FOCAD: variants seen among roughly 807,000 people sequenced by gnomAD.
FOCAD encodes focadhesin, also known as KIAA1797.
In FOCAD, 198 loss-of-function variants were observed where a neutral mutation model predicts 225.6. The observed-to-expected ratio is 0.88, with a 90% CI of 0.78 to 0.99. The LOEUF (loss-of-function observed/expected upper bound fraction) is 0.99. FOCAD is among the 50% of genes least tolerant of loss of function. FOCAD has a pLI of 0.00. For missense variants in FOCAD, 2,713 were observed against 2,123.6 expected (o/e 1.28, Z -5.46); for synonymous variants, 897 against 755.0 (o/e 1.19, Z -3.08).
At chr9:20,952,942 T>G (rs748705353) in intron 34 of FOCAD, 43 bp from the exon 35 acceptor site, 1 of 1,500,522 alleles carries the variant, frequency 6.7e-7, no homozygotes, top group Non-Finnish European at 9.3e-7. Context: ...TCATTAGTCC[T>G]GCCAAGTTCA....
upstream of FOCAD, chr9:20,684,063 A>C (rs1426347131): frequency 1.4e-4 from 21 of 152,272 alleles, no homozygotes; most frequent in Admixed American, 1.4e-3. Context: ...TCGGCTGCAG[A>C]GCGCGGGTCC....
chr9:20,720,581 G>GA (rs753724243), intron 4 of FOCAD, 47 bp downstream of exon 4: 8 of 1,581,878 alleles, frequency 5.1e-6, no homozygotes, highest in Middle Eastern at 1.7e-4. Flanking sequence ...AAGTTTTTAG[G>GA]AAAAAAATTC....
chr9:20,965,643 A>T (rs7869781), intron 35 of FOCAD, among the ~76,000 whole-genome samples: 56,041 of 151,942 alleles, frequency 0.37, 10,607 homozygotes, highest in East Asian at 0.46. Flanking sequence ...GAATGTTTTC[A>T]TTACCCCAAG....
At chr9:20,693,239 A>G (rs547759263) in intron 1 of FOCAD, among the ~76,000 whole-genome samples, 116 of 152,236 alleles carry the variant, frequency 7.6e-4, no homozygotes, top group African/African-American at 2.7e-3. Flanking sequence ...TGCTTTCACC[A>G]TGGCATTGGC....
Position 20,801,187 on chromosome 9 carries a change from C to T in FOCAD, c.1455+11579C>T, listed in dbSNP as rs143531067. On this transcript the variant is annotated intron_variant, in intron 11 of 43. Transcript: ENST00000338382. ...GAATATTGGTGAACAGTTAATGTGACACAGCATGTTTTAATATATTCATCT... is the reference window on the plus strand; with the variant it reads ...GAATATTGGTGAACAGTTAATGTGATACAGCATGTTTTAATATATTCATCT... 7.2e-3 allele frequency among the ~76,000 whole-genome samples: 1,091 copies of T among 152,202 alleles called. 14 individuals carry two copies. The highest frequency in any genetic ancestry group is 0.026 in the African/African-American group (1,061 of 41,564).
chr9:20,865,904 C>A (rs759023221), intron 16 of FOCAD, 22 bp from the exon 17 acceptor site: 5 of 1,579,438 alleles, frequency 3.2e-6, no homozygotes, highest in Non-Finnish European at 4.3e-6. Context: ...ACAATTTATT[C>A]TTTTGTATGT....
intron 1 of FOCAD, among the ~76,000 whole-genome samples, chr9:20,698,423 A>T (rs1003800054): frequency 6.6e-6 from 1 of 152,062 alleles, no homozygotes; most frequent in East Asian, 1.9e-4. Flanking sequence ...TTTTTGAGAT[A>T]GAGTCTTGCT....
At chr9:20,961,655 C>G (rs964913238) in intron 35 of FOCAD, among the ~76,000 whole-genome samples, 1 of 152,088 alleles carries the variant, frequency 6.6e-6, no homozygotes, top group Non-Finnish European at 1.5e-5. Flanking sequence ...ATCTGTCTTT[C>G]TTTTTGTATT....
At chr9:20,674,816 C>T (rs1822184088) in intron 2 of FOCAD, among the ~76,000 whole-genome samples, 2 of 152,234 alleles carry the variant, frequency 1.3e-5, no homozygotes, top group African/African-American at 4.8e-5. Flanking sequence ...TGCTTTTCTT[C>T]TGCCCCATGG....
At chr9:20,988,210 A>G (rs1454278795) in intron 40 of FOCAD, 122 bp from the exon 41 acceptor site, 3 of 540,540 alleles carry the variant, frequency 5.6e-6, no homozygotes, top group African/African-American at 3.9e-5. Context: ...GCAAGGGAAC[A>G]TGAAACTGGT....
At position 20,929,531 on chromosome 9, in the gene FOCAD, C is replaced by G; in HGVS notation, c.3252C>G (p.Ala1084=). The change falls in exon 27 of 44, where the codon GCC becomes GCG. Residue 1084 remains alanine, a synonymous_variant. Coordinates refer to ENST00000338382, the MANE Select transcript of FOCAD (RefSeq NM_001375567.1). The part of the protein sequence containing the change: ...PGKPSADESQ[A]VQIHMGLALG... ...AACCAAGTGCTGATGAGTCTCAAGC[C>G]GTGCAAATCCACATGGGCCTTGCTT... The G allele has an allele frequency of 6.2e-7, 1 of 1,614,110 alleles. No individual in the cohort carries two copies. The highest frequency in any genetic ancestry group is 8.5e-7 in the Non-Finnish European group (1 of 1,180,008).
intron 21 of FOCAD, among the ~76,000 whole-genome samples, chr9:20,905,273 A>G (rs931267145): frequency 1.3e-5 from 2 of 152,024 alleles, no homozygotes; most frequent in Non-Finnish European, 2.9e-5. Flanking sequence ...CCTTGAGTTT[A>G]TAACCTCCTT....
intron 11 of FOCAD, among the ~76,000 whole-genome samples, chr9:20,801,795 A>G (rs1821868336): frequency 6.6e-6 from 1 of 152,162 alleles, no homozygotes. Flanking sequence ...AGTCACAATT[A>G]TGCTGCTACG....
At chr9:20,807,716 C>G (rs542385686) in intron 11 of FOCAD, among the ~76,000 whole-genome samples, 1 of 152,204 alleles carries the variant, frequency 6.6e-6, no homozygotes. Context: ...TACAAATTCC[C>G]AATGCTCACT....
intron 30 of FOCAD, among the ~76,000 whole-genome samples, chr9:20,947,286 AAATGTTTCCTGTGAAAT>A (rs1445031001): frequency 6.6e-6 from 1 of 152,232 alleles, no homozygotes; most frequent in Non-Finnish European, 1.5e-5. Context: ...AGTAACCTTA[AAATGTTTCCTGTGAAAT>A]ATTATTCAAC....
At chr9:20,759,858 T>C (rs1383052399) in intron 6 of FOCAD, among the ~76,000 whole-genome samples, 1 of 152,250 alleles carries the variant, frequency 6.6e-6, no homozygotes. Flanking sequence ...TTCTTCCCCT[T>C]GGACACTGGC....
chr9:20,695,263 C>T (rs959027100), intron 1 of FOCAD, among the ~76,000 whole-genome samples: 1 of 152,080 alleles, frequency 6.6e-6, no homozygotes, highest in African/African-American at 2.4e-5. Flanking sequence ...CATGAGGATA[C>T]AATGTGTGGT....
At chr9:20,976,608 A>G (rs117057216) in intron 36 of FOCAD, 60 bp downstream of exon 36, 1,426 of 1,542,590 alleles carry the variant, frequency 9.2e-4, no homozygotes, top group Non-Finnish European at 1.2e-3. Flanking sequence ...CCTGAATGGA[A>G]AAACAGATTC....
intron 28 of FOCAD, among the ~76,000 whole-genome samples, chr9:20,938,281 G>C (rs1358343296): frequency 6.6e-6 from 1 of 152,038 alleles, no homozygotes; most frequent in Non-Finnish European, 1.5e-5. Context: ...ACATGCACAC[G>C]TATGTTTATT....
Sources: allele counts gnomAD v4.1 joint callset (sites outside exome capture counted in the v4.1 genomes callset), GRCh38; gene constraint gnomAD v4.1.1; transcripts MANE v1.5; gene names NCBI Gene and HGNC (gene_info 2026-07-23, HGNC 2026-07-21).